The following AHCYL2 variants were observed in gnomAD, a reference collection of about 807,000 sequenced individuals.
AHCYL2 encodes adenosylhomocysteinase like 2, also known as S-adenosylhomocysteine hydrolase-like protein 2.
AHCYL2 carries 28 observed loss-of-function variants against 81.4 expected under a neutral mutation model. That is an observed-to-expected ratio of 0.34 (90% confidence interval 0.25 to 0.47). The LOEUF is 0.47. Ranked by LOEUF, AHCYL2 falls within the 20% of genes least tolerant of loss-of-function variation. The pLI, the probability that AHCYL2 is intolerant of heterozygous loss-of-function variation, is 1.00. For synonymous variants in AHCYL2, 272 were observed against 290.2 expected, an observed-to-expected ratio of 0.94 and a Z score of 0.64; for missense variants, 551 against 785.1, an observed-to-expected ratio of 0.70 and a Z score of 3.56.
intron 10 of AHCYL2, among the ~76,000 whole-genome samples, chr7:129,407,673 A>G (rs1052863563): frequency 3.9e-5 from 6 of 152,234 alleles, no homozygotes; most frequent in African/African-American, 1.4e-4. Context: ...CGAATTGATC[A>G]CTTACTATGC....
chr7:129,282,582 T>G (rs1796482960), intron 1 of AHCYL2, among the ~76,000 whole-genome samples: 1 of 152,216 alleles, frequency 6.6e-6, no homozygotes, highest in Admixed American at 6.5e-5. Flanking sequence ...CTCCCATGTT[T>G]CTACTTAGCT....
At chr7:129,280,250 A>G (rs1584738047) in intron 1 of AHCYL2, among the ~76,000 whole-genome samples, 1 of 137,258 alleles carries the variant, frequency 7.3e-6, no homozygotes, top group Non-Finnish European at 1.5e-5. Flanking sequence ...GCTCACTGCA[A>G]CCTCTGCCTC....
At chr7:129,264,582 AAAG>A (rs1172950127) in intron 1 of AHCYL2, among the ~76,000 whole-genome samples, 2 of 152,248 alleles carry the variant, frequency 1.3e-5, no homozygotes, top group East Asian at 3.8e-4. Context: ...AGCAAGCTAA[AAAG>A]AAGTCAGAGA....
At position 129,368,638 on chromosome 7, in the gene AHCYL2, AG is replaced by A; in HGVS notation, c.364-10999del. ...TGACGGGTGACAAGGATCACCTCTG[AG>A]AAGCTCCTACCAAGATCCGTGGTTG... is the stretch of plus-strand genomic sequence containing the variant. On this transcript the variant is annotated intron_variant, in intron 1 of 16. Coordinates refer to ENST00000325006, the MANE Select transcript of AHCYL2 (RefSeq NM_015328.4). This position sits in a 1 kb window ranked among gnomAD's most constrained non-coding sequence, Gnocchi z 4.4. The A allele has an allele frequency of 6.7e-7, 1 of 1,498,700 alleles. No homozygotes were observed. The highest frequency in any genetic ancestry group is 1.1e-5 in the South Asian group (1 of 88,376). 92.8% of individuals were successfully genotyped at this position (1,498,700 alleles called of 1,614,324 possible). A position where few individuals can be genotyped will look rare whatever the true frequency, so the allele number is the denominator to read the frequency against.
intron 1 of AHCYL2, among the ~76,000 whole-genome samples, chr7:129,302,854 A>G (rs1050622050): frequency 3.3e-5 from 5 of 152,076 alleles, no homozygotes; most frequent in African/African-American, 1.2e-4. Context: ...TATCAGGGTA[A>G]TACTGGTCTC....
In AHCYL2 at chr7:129,419,115, GCT is replaced by G. The variant is rs1796994266; in HGVS notation, c.1462-3723_1462-3722del. Among the ~76,000 whole-genome samples the G allele has an allele frequency of 6.6e-6, 1 of 152,126 alleles. No individual in the cohort carries two copies. Among genetic ancestry groups the G allele is most frequent in the African/African-American group, 2.4e-5 (1 of 41,414 alleles). ...CCTGTTGCATATTTAAGAAGGAGTA[GCT>G]CATCAAAAGAGTTGGTCATTTAGAA... On this transcript the variant is annotated intron_variant, in intron 12 of 16. Coordinates refer to ENST00000325006, the MANE Select transcript of AHCYL2 (RefSeq NM_015328.4). This position sits in a 1 kb window ranked among gnomAD's most constrained non-coding sequence, Gnocchi z 4.7.
chr7:129,304,576 A>G (rs1421823014), intron 1 of AHCYL2, among the ~76,000 whole-genome samples: 3 of 152,184 alleles, frequency 2.0e-5, no homozygotes, highest in African/African-American at 4.8e-5. Flanking sequence ...TTGGGTACAT[A>G]TATATTTAAA....
At chr7:129,395,911 G>T (rs139948550) in intron 4 of AHCYL2, among the ~76,000 whole-genome samples, 30 of 152,266 alleles carry the variant, frequency 2.0e-4, no homozygotes, top group African/African-American at 6.7e-4. Context: ...ATTCTTATCT[G>T]TGGCAGCCAT....
In AHCYL2 at chr7:129,422,971, C is replaced by T. The variant is rs199657951; in HGVS notation, c.1560+33C>T. 978 of 1,595,022 alleles carry T rather than the reference C, an allele frequency of 6.1e-4. 1 individual carries two copies. Among genetic ancestry groups the T allele is most frequent in the Non-Finnish European group, 3.6e-4 (414 of 1,163,940 alleles). On this transcript the variant is annotated intron_variant, in intron 13 of 16. Coordinates refer to ENST00000325006, the MANE Select transcript of AHCYL2 (RefSeq NM_015328.4). ...TGAGACTGGCAAAAATACTCCCCCA[C>T]AACAGGAGAGACTGCAATACCCAGG...
intron 1 of AHCYL2, among the ~76,000 whole-genome samples, chr7:129,254,528 C>T (rs1289132906): frequency 6.6e-6 from 1 of 152,138 alleles, no homozygotes; most frequent in Non-Finnish European, 1.5e-5. Context: ...AACCTAGATA[C>T]TTTACATTGA....
At chr7:129,296,390 G>T (rs1308046300) in intron 1 of AHCYL2, among the ~76,000 whole-genome samples, 2 of 152,068 alleles carry the variant, frequency 1.3e-5, no homozygotes, top group African/African-American at 2.4e-5. Context: ...TTATTTTCTG[G>T]TGTTATGTTG....
At chr7:129,229,061 C>CTTTTTTTTTTTTTTTTTTTTTTTTTTT (rs59291148) in intron 1 of AHCYL2, among the ~76,000 whole-genome samples, 1 of 144,758 alleles carries the variant, frequency 6.9e-6, no homozygotes, top group African/African-American at 2.6e-5. Context: ...AATAATTAGC[C>CTTTTTTTTTTTTTTTTTTTTTTTTTTT]TTTTTTTTTT....
chr7:129,244,365 G>T (rs1168828604), intron 1 of AHCYL2, among the ~76,000 whole-genome samples: 3 of 152,034 alleles, frequency 2.0e-5, no homozygotes, highest in African/African-American at 7.2e-5. Flanking sequence ...ACAACCAATT[G>T]TTGACTGAGT....
chr7:129,243,875 G>A (rs1050817062), intron 1 of AHCYL2, among the ~76,000 whole-genome samples: 2 of 152,206 alleles, frequency 1.3e-5, no homozygotes, highest in African/African-American at 4.8e-5. Context: ...TTACAGGCAT[G>A]AGCCACCATG....
rs369565489 is a variant in AHCYL2, at chr7:129,355,329, A to ATG, written c.364-24303_364-24302dup. On this transcript the variant is annotated intron_variant, in intron 1 of 16. Transcript: ENST00000325006. The stretch of plus-strand genomic sequence containing the variant: ...GGCTGTGATGTGTGTTACTGAGAAA[A>ATG]TGTGTGTTAGATCAGCTTAGTTCAG... 3.4e-3 allele frequency among the ~76,000 whole-genome samples: 515 copies of ATG among 152,284 alleles called. 2 individuals carry two copies. Among genetic ancestry groups the ATG allele is most frequent in the African/African-American group, 0.012 (483 of 41,552 alleles).
chr7:129,425,777 T>G (rs1440581422), intron 15 of AHCYL2, among the ~76,000 whole-genome samples: 1 of 152,258 alleles, frequency 6.6e-6, no homozygotes, highest in South Asian at 2.1e-4. Flanking sequence ...GCACTAGGTA[T>G]ATAACAACTG....
intron 4 of AHCYL2, among the ~76,000 whole-genome samples, chr7:129,395,372 T>G (rs889378389): frequency 6.6e-6 from 1 of 152,208 alleles, no homozygotes; most frequent in African/African-American, 2.4e-5. Context: ...GGCAGACCTC[T>G]GTGAGGGGCA....
intron 1 of AHCYL2, among the ~76,000 whole-genome samples, chr7:129,236,126 A>G (rs1042916460): frequency 1.3e-5 from 2 of 151,598 alleles, no homozygotes; most frequent in South Asian, 2.1e-4. Flanking sequence ...GGCTCAAGCA[A>G]TCCTCCCATC....
At position 129,406,358 on chromosome 7, in the gene AHCYL2, G is replaced by A. The variant is rs140333088; in HGVS notation, c.1207-20G>A. On this transcript the variant is annotated intron_variant, in intron 9 of 16. Transcript: ENST00000325006. The surrounding 1 kb of genome is among the most constrained non-coding windows in gnomAD (Gnocchi z 4.3). ...TTCTCAGTGACTTTCCTTAATATGT[G>A]TGCTCTCTCCCCTCTTCAGGTGGGG... The A allele has an allele frequency of 1.4e-4, 228 of 1,610,832 alleles. No homozygotes were observed. In the African/African-American group the frequency reaches 2.4e-3, roughly 17 times the overall value.
Sources: gnomAD v4.1 joint callset for allele counts (sites outside exome capture counted in the v4.1 genomes callset) on GRCh38, gnomAD v4.1.1 for gene constraint, Gnocchi (gnomAD v3.1) non-coding constraint, MANE v1.5 for transcripts, NCBI Gene and HGNC (gene_info 2026-07-23, HGNC 2026-07-21) for gene names.